The following PCDHGA5 variants were observed in gnomAD, a reference collection of about 807,000 sequenced individuals.
PCDHGA5 encodes protocadherin gamma subfamily A, 5, also known as protocadherin gamma-A5.
Under a neutral mutation model 56.7 loss-of-function variants are expected in PCDHGA5, and 36 were observed. The ratio of observed to expected loss-of-function variants is 0.64; its 90% CI spans 0.49 to 0.84. The LOEUF is 0.84. Among genes scored for constraint, PCDHGA5 ranks in the 40% least tolerant of loss-of-function variants. PCDHGA5 has a pLI of 0.00. For synonymous variants in PCDHGA5, 563 were observed against 520.2 expected (o/e 1.08, Z -1.12); for missense variants, 1,305 against 1,201.5 (o/e 1.09, Z -1.27).
intron 1 of PCDHGA5, chr5:141,405,099 T>C: frequency 6.2e-7 from 1 of 1,613,942 alleles, no homozygotes; most frequent in East Asian, 2.2e-5. Flanking sequence ...GCCCTCAGGC[T>C]GAGGCACTGG....
intron 1 of PCDHGA5, chr5:141,423,181 C>T: frequency 1.2e-6 from 2 of 1,613,578 alleles, no homozygotes; most frequent in East Asian, 2.2e-5. Flanking sequence ...GGACCACGGC[C>T]AGCCCCCTCT....
At chr5:141,385,066 C>A (rs1780827434) in intron 1 of PCDHGA5, 1 of 1,614,194 alleles carries the variant, frequency 6.2e-7, no homozygotes, top group Non-Finnish European at 8.5e-7. Flanking sequence ...GCACAAGTCA[C>A]GCCTGCTGCA....
At chr5:141,415,885 C>G in intron 1 of PCDHGA5, 2 of 979,016 alleles carry the variant, frequency 2.0e-6, no homozygotes, top group Non-Finnish European at 2.7e-6. Flanking sequence ...ACAATATTGA[C>G]AATTCCTAAG....
chr5:141,424,026 C>G, intron 1 of PCDHGA5: 1 of 1,041,918 alleles, frequency 9.6e-7, no homozygotes, highest in Non-Finnish European at 1.2e-6. Context: ...TTCACAAACA[C>G]TTTTTATTTC....
At chr5:141,458,058 C>T (rs997664641) in intron 1 of PCDHGA5, among the ~76,000 whole-genome samples, 3 of 152,196 alleles carry the variant, frequency 2.0e-5, no homozygotes, top group Non-Finnish European at 4.4e-5. Context: ...TCTTGCTGCA[C>T]TGATGCGAAC....
intron 1 of PCDHGA5, chr5:141,413,055 C>G: frequency 9.8e-7 from 1 of 1,019,544 alleles, no homozygotes; most frequent in Non-Finnish European, 1.4e-6. Flanking sequence ...GGGAAGCTCA[C>G]TCCAGAATTT....
At chr5:141,405,470 A>G in intron 1 of PCDHGA5, 1 of 1,108,980 alleles carries the variant, frequency 9.0e-7, no homozygotes, top group Non-Finnish European at 1.3e-6. Flanking sequence ...CCCAGGCTGG[A>G]ATGCAGTGGT....
chr5:141,392,865 G>A, intron 1 of PCDHGA5: 1 of 1,613,006 alleles, frequency 6.2e-7, no homozygotes, highest in Non-Finnish European at 8.5e-7. Flanking sequence ...CCTGCTGTGC[G>A]CGCTGCTGGG....
chr5:141,441,835 G>A (rs1423189098), intron 1 of PCDHGA5: 9 of 353,636 alleles, frequency 2.5e-5, no homozygotes, highest in Admixed American at 2.1e-4. Flanking sequence ...CAATGGCTTC[G>A]CGCTCTTGGA....
chr5:141,446,469 T>C (rs538381725), intron 1 of PCDHGA5, among the ~76,000 whole-genome samples: 2 of 149,740 alleles, frequency 1.3e-5, no homozygotes, highest in South Asian at 4.2e-4. Flanking sequence ...TGATTAGACA[T>C]ATGGTCATCA....
In PCDHGA5 at chr5:141,511,364, T is replaced by C. The variant is rs115159796; in HGVS notation, c.*191T>C. The C allele has an allele frequency of 4.6e-4, 610 of 1,317,098 alleles. 5 individuals are homozygous for C. In the African/African-American group the frequency reaches 7.1e-3, roughly 15 times the overall value. The allele number at this position is 1,317,098 out of a possible 1,614,324, so 81.6% of individuals were successfully genotyped here. On this transcript the variant is annotated 3_prime_UTR_variant, in exon 4 of 4. Coordinates refer to ENST00000518069, the MANE Select transcript of PCDHGA5 (RefSeq NM_018918.3). ...ACCCCTTCCCCCCCAGGGGGTTGAA[T>C]ATGCAAAAGCAGTTCCGCTGGGAAC...
intron 1 of PCDHGA5, chr5:141,415,377 C>T (rs774655293): frequency 1.2e-6 from 2 of 1,614,118 alleles, no homozygotes; most frequent in African/African-American, 2.7e-5. Flanking sequence ...CTTCAGGAGG[C>T]GGCTTGACAG....
At chr5:141,492,423 G>C (rs1164828445) in intron 1 of PCDHGA5, among the ~76,000 whole-genome samples, 1 of 152,222 alleles carries the variant, frequency 6.6e-6, no homozygotes, top group African/African-American at 2.4e-5. Context: ...CCCTCCGCCG[G>C]GCTCAGGAGT....
At chr5:141,403,945 A>C in intron 1 of PCDHGA5, 3 of 1,613,926 alleles carry the variant, frequency 1.9e-6, no homozygotes, top group Non-Finnish European at 2.5e-6. Flanking sequence ...AAGGGTGGAC[A>C]AAAGTGCTCA....
In PCDHGA5 at chr5:141,500,527, A is replaced by C. The variant is rs937551961; in HGVS notation, c.2481-4866A>C. On this transcript the variant is annotated intron_variant, in intron 2 of 3. Transcript: ENST00000518069. ...CCTGGCCGAGCTTCATTTTAAAAAA[A>C]TCTCATTCACCTAAATAAGTTGTTC... is the stretch of plus-strand genomic sequence containing the variant. 5.9e-5 allele frequency among the ~76,000 whole-genome samples: 9 copies of C among 152,298 alleles called. No individual in the cohort carries two copies. The South Asian group carries it at 6.2e-4, about 11-fold the overall frequency.
intron 1 of PCDHGA5, among the ~76,000 whole-genome samples, chr5:141,433,940 T>C (rs1315031506): frequency 6.6e-6 from 1 of 152,192 alleles, no homozygotes; most frequent in African/African-American, 2.4e-5. Flanking sequence ...TATAATTCCA[T>C]TGTTTCTTCT....
chr5:141,503,418 A>G (rs1037754214), intron 2 of PCDHGA5, among the ~76,000 whole-genome samples: 1 of 151,528 alleles, frequency 6.6e-6, no homozygotes, highest in Admixed American at 6.6e-5. Context: ...AATATGGTGA[A>G]ACCCCATCTC....
At chr5:141,422,090 AGGCTTCTGAAATATTCCAATT>A (rs1561798894) in intron 1 of PCDHGA5, 11 of 1,611,852 alleles carry the variant, frequency 6.8e-6, no homozygotes, top group Non-Finnish European at 9.3e-6. Flanking sequence ...ATGGAAAGCA[AGGCTTCTGAAATATTCCAATT>A]GGATTCACAA....
At chr5:141,381,826 C>T (rs867772225) in intron 1 of PCDHGA5, among the ~76,000 whole-genome samples, 29 of 74,288 alleles carry the variant, frequency 3.9e-4, no homozygotes, top group Admixed American at 9.7e-4. Flanking sequence ...CTTTCTTCTT[C>T]TTTTTTTTTT....
Sources: allele counts gnomAD v4.1 joint callset (sites outside exome capture counted in the v4.1 genomes callset), GRCh38; gene constraint gnomAD v4.1.1; transcripts MANE v1.5; gene names NCBI Gene and HGNC (gene_info 2026-07-23, HGNC 2026-07-21).